MRC2: variants seen among roughly 807,000 people sequenced by gnomAD.
The protein encoded by MRC2 is mannose receptor C-type 2.
MRC2 carries 84 observed loss-of-function variants against 206.2 expected under a neutral mutation model. The ratio of observed to expected loss-of-function variants is 0.41; its 90% CI spans 0.34 to 0.49. MRC2 has a LOEUF of 0.49. Among genes scored for constraint, MRC2 ranks in the 20% least tolerant of loss-of-function variants. The pLI, the probability that MRC2 is intolerant of heterozygous loss-of-function variation, is 0.31. For missense variants in MRC2, 1,676 were observed against 2,001.5 expected (o/e 0.84, Z 3.10); for synonymous variants, 798 against 800.0 (o/e 1.00, Z 0.04).
At position 62,680,157 on chromosome 17, in the gene MRC2, C is replaced by T. The variant is rs1244837545; in HGVS notation, c.2299-13C>T. On this transcript the variant is annotated splice_polypyrimidine_tract_variant and intron_variant, in intron 14 of 29. Transcript: ENST00000303375. This position sits in a 1 kb window ranked among gnomAD's most constrained non-coding sequence, Gnocchi z 4.8. ...CGCCTCACGTTCCTCTTCCCTCCACCCGCCTCCTCCAGTTCTCTTACCACA... is the reference window on the plus strand; with the variant it reads ...CGCCTCACGTTCCTCTTCCCTCCACTCGCCTCCTCCAGTTCTCTTACCACA... 1.2e-6 allele frequency: 2 copies of T among 1,613,876 alleles called. No homozygotes were observed.
intron 8 of MRC2, among the ~76,000 whole-genome samples, chr17:62,673,758 C>T (rs962814476): frequency 6.6e-6 from 1 of 152,204 alleles, no homozygotes; most frequent in Non-Finnish European, 1.5e-5. Flanking sequence ...GATCCGCCCA[C>T]CTCGGCCTCC....
intron 1 of MRC2, among the ~76,000 whole-genome samples, chr17:62,662,578 C>G (rs571134087): frequency 4.6e-5 from 7 of 152,316 alleles, no homozygotes; most frequent in Admixed American, 4.6e-4. Context: ...AGATGAAGCA[C>G]TTTGCCCAAG....
Position 62,680,054 on chromosome 17 carries a change from C to T in MRC2, c.2299-116C>T. Reference sequence around the variant, plus strand: ...GAAAGCAGGTCCGAGAGGGGTCACCCGGCCCCCGGTGAGAATTCGCAGCTC... The same window carrying T: ...GAAAGCAGGTCCGAGAGGGGTCACCTGGCCCCCGGTGAGAATTCGCAGCTC... On this transcript the variant is annotated intron_variant, in intron 14 of 29. Coordinates refer to ENST00000303375, the MANE Select transcript of MRC2 (RefSeq NM_006039.5). The surrounding 1 kb of genome is among the most constrained non-coding windows in gnomAD (Gnocchi z 4.8). 1 of 1,537,328 alleles carries T rather than the reference C, an allele frequency of 6.5e-7. No individual in the cohort carries two copies. Among genetic ancestry groups the T allele is most frequent in the Non-Finnish European group, 8.9e-7 (1 of 1,129,504 alleles).
intron 1 of MRC2, among the ~76,000 whole-genome samples, chr17:62,639,910 A>G (rs892477582): frequency 6.6e-6 from 1 of 151,574 alleles, no homozygotes; most frequent in African/African-American, 2.4e-5. Flanking sequence ...CTGGAGTGCA[A>G]TGGCTCGATC....
chr17:62,650,765 C>T (rs562923582), intron 1 of MRC2, among the ~76,000 whole-genome samples: 128 of 152,306 alleles, frequency 8.4e-4, no homozygotes, highest in African/African-American at 3.0e-3. Context: ...TTTTTACAAG[C>T]GCAGGGTGAC....
rs1598990071 is a variant in MRC2, at chr17:62,676,031, G to A, written c.1685+126G>A. On this transcript the variant is annotated intron_variant, in intron 10 of 29. Transcript: ENST00000303375. ...ACCTGGAGTCCTGTGAACCTCAGTGGGCTCCAGGGCATTTTAAAATCTTGT... is the reference window on the plus strand; with the variant it reads ...ACCTGGAGTCCTGTGAACCTCAGTGAGCTCCAGGGCATTTTAAAATCTTGT... The A allele has an allele frequency of 8.2e-6, 6 of 732,704 alleles. No homozygotes were observed. In the East Asian group the frequency reaches 1.6e-4, roughly 19 times the overall value. The allele number at this position is 732,704 out of a possible 1,614,324, so 45.4% of individuals were successfully genotyped here.
chr17:62,634,758 G>T (rs757407810), intron 1 of MRC2, among the ~76,000 whole-genome samples: 3 of 152,078 alleles, frequency 2.0e-5, no homozygotes, highest in Non-Finnish European at 2.9e-5. Context: ...CGCAGCCCAG[G>T]AGTTCCCAGC....
chr17:62,663,384 T>G (rs970232589), intron 1 of MRC2, among the ~76,000 whole-genome samples: 12 of 152,314 alleles, frequency 7.9e-5, no homozygotes, highest in African/African-American at 2.9e-4. Flanking sequence ...TAATTGGGAT[T>G]TAGTTTTTTC....
rs370025618 is a variant in MRC2, at chr17:62,689,526, C to A, written c.3339C>A (p.Pro1113=). Residue 1113 remains proline (P), a synonymous_variant, in exon 24 of 30, where the codon CCC becomes CCA. Transcript: ENST00000303375. ...HGFICQKGTD[P]SLSPSPAALP... is the part of the protein sequence containing the mutation. ...ACCCTGACCCCTTCCCTGTAGACCCCTCCCTGAGCCCGTCCCCAGCAGCGC... is the reference window on the plus strand; with the variant it reads ...ACCCTGACCCCTTCCCTGTAGACCCATCCCTGAGCCCGTCCCCAGCAGCGC... 6.4e-7 allele frequency: 1 copy of A among 1,567,462 alleles called. No homozygotes were observed. The highest frequency in any genetic ancestry group is 8.7e-7 in the Non-Finnish European group (1 of 1,154,214).
Position 62,680,580 on chromosome 17 carries a change from G to T in MRC2, c.2473+127G>T, listed in dbSNP as rs916496990. 2 of 1,418,518 alleles carry T rather than the reference G, an allele frequency of 1.4e-6. No individual in the cohort carries two copies. Among genetic ancestry groups the T allele is most frequent in the East Asian group, 4.6e-5 (2 of 43,370 alleles). The allele number at this position is 1,418,518 out of a possible 1,614,324, so 87.9% of individuals were successfully genotyped here. On this transcript the variant is annotated intron_variant, in intron 16 of 29. Transcript: ENST00000303375. The surrounding 1 kb of genome is among the most constrained non-coding windows in gnomAD (Gnocchi z 4.8). ...TTCCGGTCGAGAGAAGGGGGACGGG[G>T]TTGGCTCGGACGGAGGCAGCCACAG...
chr17:62,681,894 T>C lies in MRC2; in HGVS notation c.2760T>C (p.Pro920=). The change falls in exon 19 of 30, where the codon CCT becomes CCC. Residue 920 remains proline, a synonymous_variant. Coordinates refer to ENST00000303375, the MANE Select transcript of MRC2 (RefSeq NM_006039.5). ...CCTGGGCACCAGGCAAACCTCGGCC[T>C]GTCGGCAAGGACAAGAAGTGCGTGT... ...FISWAPGKPR[P]VGKDKKCVYM... The C allele has an allele frequency of 6.2e-7, 1 of 1,613,976 alleles. No homozygotes were observed. Among genetic ancestry groups the C allele is most frequent in the Admixed American group, 1.7e-5 (1 of 59,990 alleles).
In MRC2 at chr17:62,690,039, G is replaced by T; in HGVS notation, c.3719G>T (p.Gly1240Val). The T allele has an allele frequency of 6.2e-7, 1 of 1,607,030 alleles. No individual in the cohort carries two copies. Residue 1240 changes from glycine (G) to valine (V), a missense_variant, in exon 25 of 30, where the codon GGG becomes GTG. By Grantham distance (109) the Gly-to-Val change is moderately radical. This residue lies in a region of MRC2 where 1,354 missense variants were observed against 1,636.6 expected (regional missense o/e 0.83). Coordinates refer to ENST00000303375, the MANE Select transcript of MRC2 (RefSeq NM_006039.5). Reference sequence around the variant, plus strand: ...ACCAGCTGTGACACCAAGCTGCAGGGGGCTGTGTGTGGGGTTAGCAGTGGT... The same window carrying T: ...ACCAGCTGTGACACCAAGCTGCAGGTGGCTGTGTGTGGGGTTAGCAGTGGT... The part of the protein sequence containing the change: ...RTTSCDTKLQ[G>V]AVCGVSSGPP...
Position 62,690,305 on chromosome 17 carries a change from G to C in MRC2, c.3892G>C (p.Ala1298Pro). Reference sequence around the variant, plus strand: ...GGAGGCGCGACAGCGCTGCCAGAGAGGTGGGTGACCAGGCCAGAGCCCACA... The same window carrying C: ...GGAGGCGCGACAGCGCTGCCAGAGACGTGGGTGACCAGGCCAGAGCCCACA... The part of the protein sequence containing the change: ...HKEARQRCQR[A>P]GGAVLSILDE... Residue 1298 changes from alanine to proline, a missense_variant and splice_region_variant, in exon 26 of 30, where the codon GCG (alanine) becomes CCG (proline). By Grantham distance (27) the Ala-to-Pro change is conservative (BLOSUM62 -1). Around this residue, in one of 3 missense-constraint regions of MRC2, gnomAD observed 1,354 missense variants for 1,636.6 expected, o/e 0.83. Transcript: ENST00000303375. 1 of 1,609,192 alleles carries C rather than the reference G, an allele frequency of 6.2e-7. No individual in the cohort carries two copies. The highest frequency in any genetic ancestry group is 2.2e-5 in the East Asian group (1 of 44,802).
chr17:62,681,026 G>T, intron 17 of MRC2, 36 bp from the exon 18 acceptor site: 1 of 1,612,620 alleles, frequency 6.2e-7, no homozygotes, highest in Non-Finnish European at 8.5e-7. Context: ...AGGGCAGGGG[G>T]CTGCCTACCC....
intron 1 of MRC2, among the ~76,000 whole-genome samples, chr17:62,631,317 C>T (rs2084214400): frequency 6.6e-6 from 1 of 152,100 alleles, no homozygotes; most frequent in Non-Finnish European, 1.5e-5. Flanking sequence ...CTCTTCGGCA[C>T]CTCCCATCTC....
intron 20 of MRC2, among the ~76,000 whole-genome samples, chr17:62,687,564 TTTTG>T (rs889464301): frequency 1.1e-4 from 17 of 152,216 alleles, no homozygotes; most frequent in East Asian, 1.9e-4. Flanking sequence ...TACCCAGGGC[TTTTG>T]TTTGTTTGTT....
chr17:62,646,650 G>C (rs2088490307), intron 1 of MRC2, among the ~76,000 whole-genome samples: 2 of 152,202 alleles, frequency 1.3e-5, no homozygotes, highest in Admixed American at 1.3e-4. Flanking sequence ...ACCAGGATTG[G>C]ATGGTTGGTC....
intron 1 of MRC2, among the ~76,000 whole-genome samples, chr17:62,640,653 A>T (rs2088390105): frequency 6.6e-6 from 1 of 151,744 alleles, no homozygotes; most frequent in Non-Finnish European, 1.5e-5. Flanking sequence ...AGCTGAGAAT[A>T]CAAGCACACC....
rs914248979 is a variant in MRC2 at position 62,693,120 on chromosome 17, A to G, written c.*669A>G. On this transcript the variant is annotated 3_prime_UTR_variant, in exon 30 of 30. Transcript: ENST00000303375. ...TGGTGTCTGCTGGGCTGGAGATAAG[A>G]CTGGGGAGAGACACCCCAACCTCCC... is the stretch of plus-strand genomic sequence containing the variant. The G allele has an allele frequency of 1.0e-4, 16 of 152,584 alleles. No homozygotes were observed. Among genetic ancestry groups the G allele is most frequent in the African/African-American group, 3.9e-4 (16 of 41,390 alleles). 9.5% of individuals were successfully genotyped at this position (152,584 alleles called of 1,614,324 possible). A position where few individuals can be genotyped will look rare whatever the true frequency, so the allele number is the denominator to read the frequency against.
Sources: allele counts gnomAD v4.1 joint callset (sites outside exome capture counted in the v4.1 genomes callset), GRCh38; gene constraint gnomAD v4.1.1; regional missense constraint gnomAD v4.1.1; non-coding constraint Gnocchi (gnomAD v3.1); transcripts MANE v1.5; gene names NCBI Gene and HGNC (gene_info 2026-07-23, HGNC 2026-07-21).